The following PTPRD variants were observed in gnomAD, a reference collection of about 807,000 sequenced individuals.
The protein encoded by PTPRD is protein tyrosine phosphatase receptor type D.
A neutral mutation model predicts 214.5 loss-of-function variants in PTPRD; 34 were observed. The observed-to-expected ratio is 0.16, with a 90% CI of 0.12 to 0.21. PTPRD has a LOEUF of 0.21. Among genes scored for constraint, PTPRD ranks in the 10% least tolerant of loss-of-function variants. PTPRD has a pLI of 1.00. For missense variants in PTPRD, 2,545 were observed against 2,398.7 expected, an observed-to-expected ratio of 1.06 and a Z score of -1.27; for synonymous variants, 1,128 against 845.7, an observed-to-expected ratio of 1.33 and a Z score of -5.79.
chr9:9,007,168 T>A (rs1253553540), intron 11 of PTPRD, among the ~76,000 whole-genome samples: 2 of 151,912 alleles, frequency 1.3e-5, no homozygotes, highest in African/African-American at 2.4e-5. Flanking sequence ...CAAACTGTGA[T>A]GAGGTTATGA....
chr9:9,704,631 T>C (rs528149949), intron 7 of PTPRD, among the ~76,000 whole-genome samples: 8 of 152,332 alleles, frequency 5.3e-5, no homozygotes, highest in African/African-American at 1.9e-4. Flanking sequence ...TATTTCACAA[T>C]AATTATTACA....
In PTPRD at chr9:10,476,720, G is replaced by A. The variant is rs562308565; in HGVS notation, c.-600+135678C>T. On this transcript the variant is annotated intron_variant, in intron 2 of 45. Transcript: ENST00000381196. ...AAAACAACAAAGCCAGAGACATCAT[G>A]CTACCTGACTTCAAACTACATTACA... Among the ~76,000 whole-genome samples, 5 of 152,166 alleles carry A rather than the reference G, an allele frequency of 3.3e-5. No homozygotes were observed. In the East Asian group the frequency reaches 7.7e-4, roughly 24 times the overall value.
intron 12 of PTPRD, among the ~76,000 whole-genome samples, chr9:8,659,277 G>A (rs1430205617): frequency 2.0e-5 from 3 of 152,146 alleles, no homozygotes; most frequent in Non-Finnish European, 2.9e-5. Context: ...AAGAATCTCA[G>A]GAGACTGTGT....
chr9:8,949,832 T>C (rs1215658736), intron 11 of PTPRD, among the ~76,000 whole-genome samples: 1 of 152,198 alleles, frequency 6.6e-6, no homozygotes, highest in African/African-American at 2.4e-5. Context: ...CCAATTTGAA[T>C]TTTGATTGTT....
Position 8,992,837 on chromosome 9 carries a change from T to G in PTPRD, c.-104+25860A>C, listed in dbSNP as rs142606971. Among the ~76,000 whole-genome samples the G allele has an allele frequency of 3.3e-5, 5 of 152,286 alleles. No individual in the cohort carries two copies. In the East Asian group the frequency reaches 9.7e-4, roughly 29 times the overall value. On this transcript the variant is annotated intron_variant, in intron 11 of 45. Transcript: ENST00000381196. ...AAGTGCAAGGAGCAGTTAGAGGGAC[T>G]AAAGGGACAGAAACTGAAGACCTCA... is the stretch of plus-strand genomic sequence containing the variant.
intron 7 of PTPRD, among the ~76,000 whole-genome samples, chr9:9,653,450 A>T (rs1158547229): frequency 6.7e-6 from 1 of 150,328 alleles, no homozygotes; most frequent in Non-Finnish European, 1.5e-5. Context: ...GTCCTTTGGT[A>T]AACTTAAAAA....
chr9:8,784,154 T>A (rs895814297), intron 11 of PTPRD, among the ~76,000 whole-genome samples: 7 of 152,162 alleles, frequency 4.6e-5, no homozygotes, highest in Non-Finnish European at 8.8e-5. Context: ...TTGTGCTCCA[T>A]AAAATTCTGA....
At chr9:9,734,889 T>C (rs2098265744) in intron 6 of PTPRD, among the ~76,000 whole-genome samples, 1 of 152,134 alleles carries the variant, frequency 6.6e-6, no homozygotes, top group African/African-American at 2.4e-5. Flanking sequence ...TATTATTAAA[T>C]GCACTTGAAA....
At chr9:8,592,561 T>C (rs2094188575) in intron 14 of PTPRD, among the ~76,000 whole-genome samples, 1 of 152,166 alleles carries the variant, frequency 6.6e-6, no homozygotes, top group Non-Finnish European at 1.5e-5. Flanking sequence ...GCATTCACAC[T>C]TGAGATACTG....
intron 7 of PTPRD, among the ~76,000 whole-genome samples, chr9:9,629,984 T>A (rs1412214807): frequency 1.4e-5 from 2 of 148,140 alleles, no homozygotes; most frequent in African/African-American, 5.1e-5. Context: ...GCCTCCCTTT[T>A]TTTTCCAGCT....
At chr9:10,482,030 G>C (rs1189924147) in intron 2 of PTPRD, among the ~76,000 whole-genome samples, 1 of 151,934 alleles carries the variant, frequency 6.6e-6, no homozygotes, top group Admixed American at 6.6e-5. Flanking sequence ...AAAGAGGAAA[G>C]AAATATAAAA....
intron 11 of PTPRD, among the ~76,000 whole-genome samples, chr9:8,925,585 A>G (rs2154275540): frequency 6.8e-6 from 1 of 146,012 alleles, no homozygotes; most frequent in Middle Eastern, 3.4e-3. Flanking sequence ...GCCAACCAAG[A>G]TATTTTTCAT....
chr9:9,850,931 G>C (rs1201001801), intron 5 of PTPRD, among the ~76,000 whole-genome samples: 4 of 152,062 alleles, frequency 2.6e-5, no homozygotes, highest in Non-Finnish European at 5.9e-5. Context: ...TAAGCAAAAG[G>C]CTTTGGAAAA....
At chr9:10,437,413 T>G (rs1336433754) in intron 2 of PTPRD, among the ~76,000 whole-genome samples, 1 of 151,786 alleles carries the variant, frequency 6.6e-6, no homozygotes, top group African/African-American at 2.4e-5. Context: ...TGATCAGCAC[T>G]GATGTGGTAT....
Position 8,486,319 on chromosome 9 carries a change from T to C in PTPRD, c.2498A>G (p.His833Arg), listed in dbSNP as rs150498140. ...VPGKPRLVINHTQMNTALIQW... is the reference protein window; with the variant it reads ...VPGKPRLVINRTQMNTALIQW... The stretch of plus-strand genomic sequence containing the variant: ...AATAAGAGCAGTATTCATCTGAGTG[T>C]GGTTAATCACAAGCCGAGGTTTCCC... Residue 833 changes from histidine to arginine, a missense_variant, in exon 28 of 46, where the codon CAC becomes CGC. Physicochemically the swap from His to Arg is conservative, Grantham distance 29. Transcript: ENST00000381196. The C allele has an allele frequency of 1.9e-5, 31 of 1,613,978 alleles. No homozygotes were observed. The highest frequency in any genetic ancestry group is 2.5e-5 in the Non-Finnish European group (29 of 1,179,986).
intron 36 of PTPRD, among the ~76,000 whole-genome samples, chr9:8,394,486 A>C (rs1168794041): frequency 6.6e-6 from 1 of 152,138 alleles, no homozygotes; most frequent in Non-Finnish European, 1.5e-5. Flanking sequence ...GAATTTAGAG[A>C]AACTGACCAG....
intron 2 of PTPRD, among the ~76,000 whole-genome samples, chr9:10,566,492 TATG>T (rs1390274379): frequency 6.6e-6 from 1 of 152,054 alleles, no homozygotes; most frequent in Non-Finnish European, 1.5e-5. Context: ...TAGATTTTCA[TATG>T]ATAACTGGTT....
chr9:8,687,140 C>T (rs2097697136), intron 12 of PTPRD, among the ~76,000 whole-genome samples: 1 of 152,108 alleles, frequency 6.6e-6, no homozygotes, highest in African/African-American at 2.4e-5. Flanking sequence ...AAATATTCCA[C>T]ATATATTGTT....
intron 3 of PTPRD, among the ~76,000 whole-genome samples, chr9:10,202,867 A>G (rs1027428238): frequency 6.6e-6 from 1 of 151,802 alleles, no homozygotes; most frequent in Non-Finnish European, 1.5e-5. Flanking sequence ...TGGCCAAAGT[A>G]TTAGGTGCTA....
Sources: gnomAD v4.1 joint callset for allele counts (sites outside exome capture counted in the v4.1 genomes callset) on GRCh38, gnomAD v4.1.1 for gene constraint, MANE v1.5 for transcripts, NCBI Gene and HGNC (gene_info 2026-07-23, HGNC 2026-07-21) for gene names.